SLC38A9: variants seen among roughly 807,000 people sequenced by gnomAD.
The protein encoded by SLC38A9 is neutral amino acid transporter 9.
A neutral mutation model predicts 62.3 loss-of-function variants in SLC38A9; 48 were observed. That is an observed-to-expected ratio of 0.77 (90% CI 0.61 to 0.98). The LOEUF (loss-of-function observed/expected upper bound fraction) is 0.98. Among genes scored for constraint, SLC38A9 ranks in the 50% least tolerant of loss-of-function variants. The pLI, the probability that SLC38A9 is intolerant of heterozygous loss-of-function variation, is 0.00. For missense variants in SLC38A9, 541 were observed against 679.8 expected, an observed-to-expected ratio of 0.80 and a Z score of 2.27; for synonymous variants, 204 against 227.7, an observed-to-expected ratio of 0.90 and a Z score of 0.94.
chr5:55,695,516 T>C (rs1580395113), intron 3 of SLC38A9, among the ~76,000 whole-genome samples: 1 of 100,628 alleles, frequency 9.9e-6, no homozygotes, highest in East Asian at 2.4e-4. Flanking sequence ...AAGCACATCT[T>C]GCACCGCCCT....
At chr5:55,694,816 G>A (rs772543240) in intron 3 of SLC38A9, among the ~76,000 whole-genome samples, 2 of 150,196 alleles carry the variant, frequency 1.3e-5, no homozygotes, top group African/African-American at 2.5e-5. Context: ...GCAGTGGTAC[G>A]ATCTTGGCTT....
chr5:55,652,410 A>G, intron 10 of SLC38A9, 119 bp downstream of exon 10: 1 of 483,702 alleles, frequency 2.1e-6, no homozygotes, highest in Non-Finnish European at 3.4e-6. Flanking sequence ...AAAACGAATG[A>G]ACAAATTAAA....
At chr5:55,704,925 T>C (rs183612793) in intron 2 of SLC38A9, among the ~76,000 whole-genome samples, 29 of 152,254 alleles carry the variant, frequency 1.9e-4, no homozygotes, top group African/African-American at 6.5e-4. Context: ...TCTTACAGGG[T>C]TTCGGATTAA....
chr5:55,676,585 A>C (rs1270259624), intron 3 of SLC38A9, among the ~76,000 whole-genome samples: 1 of 152,256 alleles, frequency 6.6e-6, no homozygotes, highest in Non-Finnish European at 1.5e-5. Context: ...TTCAAAATTT[A>C]GTAGAGAGAC....
At chr5:55,652,254 A>G (rs1747630096) in intron 10 of SLC38A9, among the ~76,000 whole-genome samples, 1 of 149,234 alleles carries the variant, frequency 6.7e-6, no homozygotes, top group African/African-American at 2.5e-5. Flanking sequence ...GCTACTTGGG[A>G]GGCTGAGGCC....
intron 2 of SLC38A9, among the ~76,000 whole-genome samples, chr5:55,701,517 CTA>C (rs1278952534): frequency 1.3e-5 from 2 of 152,174 alleles, no homozygotes; most frequent in Non-Finnish European, 2.9e-5. Flanking sequence ...AATCTAATCA[CTA>C]CCATTTCTTA....
In SLC38A9 at chr5:55,711,691, T is replaced by A. The variant is rs139612180; in HGVS notation, c.-82-192A>T. On this transcript the variant is annotated intron_variant, in intron 1 of 15. Coordinates refer to ENST00000396865, the MANE Select transcript of SLC38A9 (RefSeq NM_173514.4). Reference sequence around the variant, plus strand: ...GTCCTAGCTCAAGGCCCAAAGGGGGTTCCTCCCTCATGTTCCCCCTCTAGA... The same window carrying A: ...GTCCTAGCTCAAGGCCCAAAGGGGGATCCTCCCTCATGTTCCCCCTCTAGA... 4.3e-3 allele frequency among the ~76,000 whole-genome samples: 648 copies of A among 151,870 alleles called. 3 individuals are homozygous for A. Among genetic ancestry groups the A allele is most frequent in the African/African-American group, 0.015 (611 of 41,380 alleles).
At chr5:55,632,785 C>A (rs1036925135) in intron 14 of SLC38A9, among the ~76,000 whole-genome samples, 2 of 152,254 alleles carry the variant, frequency 1.3e-5, no homozygotes, top group Non-Finnish European at 2.9e-5. Flanking sequence ...CAGAGAGGGT[C>A]CTGCCCCAGA....
rs1046108624 is a variant in SLC38A9, at chr5:55,687,076, T to G, written c.113+10770A>C. On this transcript the variant is annotated intron_variant, in intron 3 of 15. Coordinates refer to ENST00000396865, the MANE Select transcript of SLC38A9 (RefSeq NM_173514.4). ...ATGCCTCCAGCTTTGTTTTTTTTTT[T>G]TTTTTTTTTTTTTTGCTTAAGATTG... is the stretch of plus-strand genomic sequence containing the variant. 5.7e-5 allele frequency among the ~76,000 whole-genome samples: 8 copies of G among 141,396 alleles called. No individual in the cohort carries two copies. In the East Asian group the frequency reaches 1.2e-3, roughly 21 times the overall value. 92.8% of individuals were successfully genotyped at this position (141,396 alleles called of 152,430 possible).
chr5:55,665,553 A>C (rs949657012), intron 7 of SLC38A9, among the ~76,000 whole-genome samples: 1 of 151,830 alleles, frequency 6.6e-6, no homozygotes, highest in Non-Finnish European at 1.5e-5. Context: ...TCTCAAAAAA[A>C]AAAAAAGAAA....
chr5:55,710,202 CTTTT>C (rs34035874), intron 2 of SLC38A9, among the ~76,000 whole-genome samples: 4 of 139,174 alleles, frequency 2.9e-5, no homozygotes, highest in Admixed American at 7.1e-5. Flanking sequence ...TAGGTGACAA[CTTTT>C]TTTTTTTTTT....
Position 55,664,814 on chromosome 5 carries a change from A to G in SLC38A9, c.576T>C (p.Tyr192=). The change falls in exon 8 of 16, where the codon TAT becomes TAC. Residue 192 remains tyrosine (Y), a synonymous_variant. Coordinates refer to ENST00000396865, the MANE Select transcript of SLC38A9 (RefSeq NM_173514.4). ...SWEYPDVCRH[Y]FGSFGQWSSL... The stretch of plus-strand genomic sequence containing the variant: ...TCGACCACTGCCCAAAGGAGCCGAA[A>G]TAATGTCTGCAGACATCTGGATATT... 1 of 1,588,010 alleles carries G rather than the reference A, an allele frequency of 6.3e-7. No homozygotes were observed. Among genetic ancestry groups the G allele is most frequent in the Non-Finnish European group, 8.6e-7 (1 of 1,168,550 alleles).
chr5:55,666,726 T>A (rs1750522393), intron 7 of SLC38A9, among the ~76,000 whole-genome samples: 1 of 150,754 alleles, frequency 6.6e-6, no homozygotes, highest in Admixed American at 6.6e-5. Flanking sequence ...AAACACCATC[T>A]CTACAAAAAA....
Position 55,627,986 on chromosome 5 carries a change from A to C in SLC38A9, c.1431-6T>G. 1 of 1,600,502 alleles carries C rather than the reference A, an allele frequency of 6.2e-7. No individual in the cohort carries two copies. The highest frequency in any genetic ancestry group is 8.6e-7 in the Non-Finnish European group (1 of 1,168,326). ...GAATCAGCACATGGAAAATGCTAGA[A>C]GTTGAGAAGAGAGTTTGGAAGAAAG... On this transcript the variant is annotated splice_region_variant and splice_polypyrimidine_tract_variant and intron_variant, in intron 14 of 15. Coordinates refer to ENST00000396865, the MANE Select transcript of SLC38A9 (RefSeq NM_173514.4).
At chr5:55,633,591 A>T (rs1580076068) in intron 14 of SLC38A9, 163 bp downstream of exon 14, 8 of 919,164 alleles carry the variant, frequency 8.7e-6, no homozygotes. Context: ...AGTGGCTTCT[A>T]TTTTTAAAGC....
intron 14 of SLC38A9, among the ~76,000 whole-genome samples, chr5:55,628,481 A>G (rs1742851892): frequency 6.6e-6 from 1 of 152,218 alleles, no homozygotes; most frequent in African/African-American, 2.4e-5. Context: ...GAAAACCCCA[A>G]AAACATTTGG....
chr5:55,707,351 T>G (rs553390722), intron 2 of SLC38A9, among the ~76,000 whole-genome samples: 2 of 152,334 alleles, frequency 1.3e-5, no homozygotes, highest in Admixed American at 1.3e-4. Flanking sequence ...TTCTATAGTA[T>G]TAATTTGTCA....
At chr5:55,706,159 G>T (rs770352817) in intron 2 of SLC38A9, among the ~76,000 whole-genome samples, 1 of 152,156 alleles carries the variant, frequency 6.6e-6, no homozygotes, top group Non-Finnish European at 1.5e-5. Flanking sequence ...TTTGTCTCAA[G>T]GCTCAATATT....
chr5:55,629,393 T>C (rs528413466), intron 14 of SLC38A9, among the ~76,000 whole-genome samples: 3 of 152,244 alleles, frequency 2.0e-5, no homozygotes, highest in East Asian at 1.9e-4. Context: ...CTCTATTCTT[T>C]AATGCCAAAC....
Sources: gnomAD v4.1 joint callset for allele counts (sites outside exome capture counted in the v4.1 genomes callset) on GRCh38, gnomAD v4.1.1 for gene constraint, MANE v1.5 for transcripts, NCBI Gene and HGNC (gene_info 2026-07-23, HGNC 2026-07-21) for gene names.